TBC1D2B: variants seen among roughly 807,000 people sequenced by gnomAD.
TBC1D2B encodes the protein TBC1 domain family, member 2B.
In TBC1D2B, 64 loss-of-function variants were observed where a neutral mutation model predicts 100.8. That is an observed-to-expected ratio of 0.64 (90% CI 0.52 to 0.78). The LOEUF is 0.78. TBC1D2B is among the 30% of genes least tolerant of loss of function. TBC1D2B has a pLI of 0.00. For missense variants in TBC1D2B, 1,052 were observed against 1,218.4 expected (o/e 0.86, Z 2.03); for synonymous variants, 480 against 479.7 (o/e 1.00, Z -0.01).
At chr15:78,070,839 T>G (rs879810110) in intron 1 of TBC1D2B, among the ~76,000 whole-genome samples, 3 of 152,170 alleles carry the variant, frequency 2.0e-5, no homozygotes, top group South Asian at 2.1e-4. Flanking sequence ...TTTTTTGTTT[T>G]GAGACAGAGT....
At chr15:78,027,059 A>C (rs2072689624) in intron 4 of TBC1D2B, among the ~76,000 whole-genome samples, 1 of 150,224 alleles carries the variant, frequency 6.7e-6, no homozygotes, top group African/African-American at 2.5e-5. Flanking sequence ...ACTAAAAAAG[A>C]AAAAAAAAAT....
intron 3 of TBC1D2B, 107 bp from the exon 4 acceptor site, chr15:78,030,277 G>C: frequency 1.1e-6 from 1 of 949,670 alleles, no homozygotes. Context: ...GATACCAAAT[G>C]TTGGTGAGGA....
At chr15:78,027,991 G>C (rs931834222) in intron 4 of TBC1D2B, among the ~76,000 whole-genome samples, 3 of 152,160 alleles carry the variant, frequency 2.0e-5, no homozygotes, top group African/African-American at 7.2e-5. Flanking sequence ...AGCAAATCAT[G>C]ACAGTCCTTT....
rs757438046 is a variant in TBC1D2B at position 78,013,009 on chromosome 15, A to G, written c.2084T>C (p.Leu695Ser). 2 of 1,603,698 alleles carry G rather than the reference A, an allele frequency of 1.2e-6. No homozygotes were observed. The highest frequency in any genetic ancestry group is 1.7e-6 in the Non-Finnish European group (2 of 1,171,792). ...DNTEPGHFQT[L>S]LQKALEKQNP... ...CTGTTTCTCCAGCGCCTTCTGCAGC[A>G]AGGTCTGGAAGTGGCCAGGCTCAGT... The change falls in exon 9 of 13, where the codon TTG becomes TCG. Residue 695 changes from leucine to serine, a missense_variant. Transcript: ENST00000300584.
Position 78,007,126 on chromosome 15 carries a change from G to A in TBC1D2B, c.2388+1871C>T, listed in dbSNP as rs1160164043. Among the ~76,000 whole-genome samples, 4 of 152,252 alleles carry A rather than the reference G, an allele frequency of 2.6e-5. No homozygotes were observed. In the South Asian group the frequency reaches 6.2e-4, roughly 24 times the overall value. On this transcript the variant is annotated intron_variant, in intron 10 of 12. Coordinates refer to ENST00000300584, the MANE Select transcript of TBC1D2B (RefSeq NM_144572.2). ...AGATGAGCGATGGGATGTTGTTCCA[G>A]TAGAGGGATTATGTAGGAGAGTACC... is the stretch of plus-strand genomic sequence containing the variant.
chr15:78,003,688 C>T (rs1182941899), intron 10 of TBC1D2B, 198 bp from the exon 11 acceptor site: 4 of 526,698 alleles, frequency 7.6e-6, no homozygotes, highest in Admixed American at 3.0e-5. Context: ...TGCAGGTACA[C>T]ACCGAGTGTC....
Position 78,053,894 on chromosome 15 carries a change from CTG to C in TBC1D2B, c.514+138_514+139del, listed in dbSNP as rs556602100. ...CTTTGTACATGGAGGCGCTGGGTAA[CTG>C]TGGAATGCTGTCCACTCATAAGGTA... On this transcript the variant is annotated intron_variant, in intron 2 of 12. Transcript: ENST00000300584. The C allele has an allele frequency of 2.3e-4, 222 of 976,996 alleles. 1 individual carries two copies. Among genetic ancestry groups the C allele is most frequent in the Middle Eastern group, 6.8e-4 (2 of 2,960 alleles). 60.5% of individuals were successfully genotyped at this position (976,996 alleles called of 1,614,324 possible). A position where few individuals can be genotyped will look rare whatever the true frequency, so the allele number is the denominator to read the frequency against.
chr15:78,052,115 A>G (rs1366937358), intron 2 of TBC1D2B, among the ~76,000 whole-genome samples: 1 of 152,120 alleles, frequency 6.6e-6, no homozygotes, highest in Non-Finnish European at 1.5e-5. Context: ...CCCCAGGTTC[A>G]GCTCACTCCC....
intron 11 of TBC1D2B, chr15:78,002,427 C>T (rs1036494518): frequency 6.6e-6 from 1 of 151,908 alleles, no homozygotes; most frequent in African/African-American, 2.4e-5. Context: ...CATGATCCAC[C>T]CACCTCGGCC....
At position 77,997,547 on chromosome 15, in the gene TBC1D2B, G is replaced by C. The variant is rs967031135; in HGVS notation, c.*613C>G. ...ACTGATGGAAGGGTTGCGTGTGGAA[G>C]AGCAAAGGCTATTCTAGAAATGGGG... On this transcript the variant is annotated 3_prime_UTR_variant, in exon 13 of 13. Coordinates refer to ENST00000300584, the MANE Select transcript of TBC1D2B (RefSeq NM_144572.2). 4 of 152,338 alleles carry C rather than the reference G, an allele frequency of 2.6e-5. No homozygotes were observed. Among genetic ancestry groups the C allele is most frequent in the African/African-American group, 7.2e-5 (3 of 41,480 alleles). The allele number at this position is 152,338 out of a possible 1,614,324, so 9.4% of individuals were successfully genotyped here. A position where few individuals can be genotyped will look rare whatever the true frequency, so the allele number is the denominator to read the frequency against.
intron 2 of TBC1D2B, chr15:78,053,737 A>C (rs1383413017): frequency 3.6e-6 from 1 of 279,626 alleles, no homozygotes; most frequent in Non-Finnish European, 6.7e-6. Flanking sequence ...TAGGTGTAGT[A>C]GAAAGGCTGG....
chr15:78,041,373 A>G (rs575377002), intron 3 of TBC1D2B, among the ~76,000 whole-genome samples: 1 of 152,382 alleles, frequency 6.6e-6, no homozygotes, highest in South Asian at 2.1e-4. Context: ...CAGCAGGGAC[A>G]CAGGTGCCCT....
At chr15:78,054,272 T>A in intron 1 of TBC1D2B, 85 bp from the exon 2 acceptor site, 4 of 1,338,494 alleles carry the variant, frequency 3.0e-6, no homozygotes, top group Non-Finnish European at 3.9e-6. Context: ...AGTAGACTGT[T>A]CAGCTTGCCA....
At chr15:78,040,189 A>G (rs1409968930) in intron 3 of TBC1D2B, among the ~76,000 whole-genome samples, 2 of 152,250 alleles carry the variant, frequency 1.3e-5, no homozygotes, top group Non-Finnish European at 2.9e-5. Context: ...ACATACACAC[A>G]TGGACTGGCC....
At chr15:78,001,097 C>T (rs1005984509) in intron 12 of TBC1D2B, among the ~76,000 whole-genome samples, 3 of 152,234 alleles carry the variant, frequency 2.0e-5, no homozygotes, top group Non-Finnish European at 4.4e-5. Flanking sequence ...GCTGCCTCCA[C>T]ACTTCCCCAA....
At chr15:78,038,893 G>A (rs1156529045) in intron 3 of TBC1D2B, among the ~76,000 whole-genome samples, 1 of 152,136 alleles carries the variant, frequency 6.6e-6, no homozygotes, top group Non-Finnish European at 1.5e-5. Context: ...TGGGCCCCTG[G>A]GAGCATGTGA....
intron 4 of TBC1D2B, among the ~76,000 whole-genome samples, chr15:78,028,155 T>A (rs773836346): frequency 6.5e-4 from 99 of 152,206 alleles, no homozygotes; most frequent in Admixed American, 3.5e-3. Flanking sequence ...GTTTAAAACA[T>A]CAATATTCTC....
intron 3 of TBC1D2B, among the ~76,000 whole-genome samples, chr15:78,038,832 C>A (rs762232941): frequency 2.0e-5 from 3 of 152,130 alleles, no homozygotes; most frequent in Non-Finnish European, 4.4e-5. Flanking sequence ...CTCTCATGAC[C>A]GCAGTGATTT....
chr15:78,028,941 G>A (rs2072739520), intron 4 of TBC1D2B, among the ~76,000 whole-genome samples: 1 of 152,166 alleles, frequency 6.6e-6, no homozygotes, highest in Admixed American at 6.5e-5. Context: ...TGTGGGTCTT[G>A]TTTGAATCCT....
Sources: gnomAD v4.1 joint callset for allele counts (sites outside exome capture counted in the v4.1 genomes callset) on GRCh38, gnomAD v4.1.1 for gene constraint, MANE v1.5 for transcripts, NCBI Gene and HGNC (gene_info 2026-07-23, HGNC 2026-07-21) for gene names.